Variants in NFASC observed in about 807,000 individuals in gnomAD.
The protein encoded by NFASC is neurofascin homolog.
NFASC carries 43 observed loss-of-function variants against 147.5 expected under a neutral mutation model. The observed-to-expected ratio is 0.29, with a 90% confidence interval of 0.23 to 0.38. NFASC has a LOEUF of 0.38. Ranked by LOEUF, NFASC falls within the 10% of genes least tolerant of loss-of-function variation. The probability of loss-of-function intolerance (pLI) is 1.00; values close to 1 mark genes in which losing one functional copy is unlikely to be tolerated. For synonymous variants in NFASC, 622 were observed against 665.5 expected (o/e 0.93, Z 1.01); for missense variants, 1,320 against 1,689.0 (o/e 0.78, Z 3.83).
rs760037106 is a variant in NFASC, at chr1:204,968,369, G to A, written c.818+9G>A. The A allele has an allele frequency of 8.7e-6, 14 of 1,605,512 alleles. No individual in the cohort carries two copies. The highest frequency in any genetic ancestry group is 8.3e-5 in the Admixed American group (5 of 59,984). On this transcript the variant is annotated intron_variant, in intron 9 of 29. Transcript: ENST00000339876. The surrounding 1 kb of genome is among the most constrained non-coding windows in gnomAD (Gnocchi z 5.4). ...TGCATCGCCTCCGGGGTGTATGTGC[G>A]GTTTGCAGCCCCTCTTCTAGCCACC...
chr1:204,836,622 A>G (rs1428891058), intron 1 of NFASC, among the ~76,000 whole-genome samples: 1 of 152,224 alleles, frequency 6.6e-6, no homozygotes, highest in African/African-American at 2.4e-5. Context: ...ATTTATATGC[A>G]AGACATTGTT....
intron 1 of NFASC, among the ~76,000 whole-genome samples, chr1:204,872,500 G>T (rs2077904712): frequency 6.6e-6 from 1 of 152,210 alleles, no homozygotes; most frequent in South Asian, 2.1e-4. Flanking sequence ...AGCTGGGGCT[G>T]GGGAGCGCAG....
intron 1 of NFASC, among the ~76,000 whole-genome samples, chr1:204,837,632 G>A (rs1253936264): frequency 6.6e-6 from 1 of 152,162 alleles, no homozygotes; most frequent in South Asian, 2.1e-4. Flanking sequence ...TGGGGCAGAC[G>A]GGAGTGCTGA....
chr1:204,855,443 A>G (rs554356597), intron 1 of NFASC, among the ~76,000 whole-genome samples: 2 of 152,338 alleles, frequency 1.3e-5, no homozygotes, highest in African/African-American at 4.8e-5. Flanking sequence ...TACATGGTGA[A>G]AAAACGAAAA....
intron 1 of NFASC, among the ~76,000 whole-genome samples, chr1:204,837,401 G>C (rs767569013): frequency 6.6e-6 from 1 of 152,224 alleles, no homozygotes; most frequent in African/African-American, 2.4e-5. Context: ...AATTGGCCAG[G>C]CTGCAGCAGT....
chr1:204,975,131 G>A lies in NFASC; in HGVS notation c.1559-140G>A, dbSNP rs981977785. 2.9e-5 allele frequency: 27 copies of A among 931,036 alleles called. No individual in the cohort carries two copies. Among genetic ancestry groups the A allele is most frequent in the Admixed American group, 1.7e-4 (6 of 36,216 alleles). The allele number at this position is 931,036 out of a possible 1,614,324, so 57.7% of individuals were successfully genotyped here. A position where few individuals can be genotyped will look rare whatever the true frequency, so the allele number is the denominator to read the frequency against. ...GATTACCCACCCAGAACTCTGCTCC[G>A]TTCATACCATAGCATACTGTTTGTG... On this transcript the variant is annotated intron_variant, in intron 14 of 29. Transcript: ENST00000339876. This position sits in a 1 kb window ranked among gnomAD's most constrained non-coding sequence, Gnocchi z 4.0.
chr1:204,864,033 C>G (rs764736668), intron 1 of NFASC, among the ~76,000 whole-genome samples: 2 of 152,126 alleles, frequency 1.3e-5, no homozygotes, highest in Non-Finnish European at 2.9e-5. Flanking sequence ...CTATTATCTA[C>G]TCCTCCCAGC....
At chr1:204,831,743 C>T (rs1251369769) in intron 1 of NFASC, among the ~76,000 whole-genome samples, 1 of 151,980 alleles carries the variant, frequency 6.6e-6, no homozygotes, top group Non-Finnish European at 1.5e-5. Flanking sequence ...GTGAGAGGAA[C>T]GTAAGGCCGG....
intron 1 of NFASC, among the ~76,000 whole-genome samples, chr1:204,834,417 G>C (rs1197314857): frequency 6.6e-6 from 1 of 152,112 alleles, no homozygotes; most frequent in Non-Finnish European, 1.5e-5. Context: ...TGGAGTGCCT[G>C]GGGCATGGTA....
rs2095516724 is a variant in NFASC at position 204,981,972 on chromosome 1, G to A, written c.2422G>A (p.Gly808Arg). The A allele has an allele frequency of 1.9e-6, 3 of 1,605,918 alleles. No individual in the cohort carries two copies. The highest frequency in any genetic ancestry group is 1.3e-5 in the African/African-American group (1 of 74,604). Residue 808 changes from glycine (G) to arginine (R), a missense_variant, in exon 21 of 30, where the codon GGG (glycine) becomes AGG (arginine). Around this residue, in one of 3 missense-constraint regions of NFASC, gnomAD observed 981 missense variants for 1,289.5 expected, o/e 0.76. Transcript: ENST00000339876. Reference protein sequence around the residue: ...EIRVQAENDFGKGPEPESVIG... With the variant: ...EIRVQAENDFRKGPEPESVIG... The stretch of plus-strand genomic sequence containing the variant: ...CCGAGTCCAGGCTGAAAATGACTTC[G>A]GGAAGGGCCCTGAGCCAGAGTCCGT...
At chr1:204,911,297 G>T (rs2087429383) in intron 1 of NFASC, among the ~76,000 whole-genome samples, 1 of 152,126 alleles carries the variant, frequency 6.6e-6, no homozygotes, top group Non-Finnish European at 1.5e-5. Flanking sequence ...AACCCCATTT[G>T]GTCATGGCGT....
rs1479906606 is a variant in NFASC at position 204,877,106 on chromosome 1, T to C, written c.-199-43526T>C. ...ATATATTTATTTATATATTTATATA[T>C]AAATAATATTAAATGTTAAAATATT... is the stretch of plus-strand genomic sequence containing the variant. On this transcript the variant is annotated intron_variant, in intron 1 of 29. Coordinates refer to ENST00000339876, the MANE Select transcript of NFASC (RefSeq NM_001005388.3). 2.9e-5 allele frequency among the ~76,000 whole-genome samples: 4 copies of C among 137,180 alleles called. 1 individual carries two copies. The highest frequency in any genetic ancestry group is 6.1e-5 in the Non-Finnish European group (4 of 65,850). The allele number at this position is 137,180 out of a possible 152,430, so 90.0% of individuals were successfully genotyped here. A position where few individuals can be genotyped will look rare whatever the true frequency, so the allele number is the denominator to read the frequency against.
chr1:204,925,781 G>C (rs2091387536), intron 2 of NFASC, among the ~76,000 whole-genome samples: 1 of 152,222 alleles, frequency 6.6e-6, no homozygotes, highest in African/African-American at 2.4e-5. Flanking sequence ...GACAGAATAA[G>C]CAGCTTGATT....
rs74231732 is a variant in NFASC at position 204,874,938 on chromosome 1, T to G, written c.-199-45694T>G. 2.6e-5 allele frequency among the ~76,000 whole-genome samples: 4 copies of G among 152,280 alleles called. No individual in the cohort carries two copies. In the East Asian group the frequency reaches 7.7e-4, roughly 29 times the overall value. ...CACTGCTCCATTCTTTGATATGTCT[T>G]TATTTAGTCCCTCAGTAACCTAATG... On this transcript the variant is annotated intron_variant, in intron 1 of 29. Transcript: ENST00000339876.
intron 1 of NFASC, among the ~76,000 whole-genome samples, chr1:204,864,546 G>C (rs529146426): frequency 6.6e-6 from 1 of 152,106 alleles, no homozygotes; most frequent in Non-Finnish European, 1.5e-5. Context: ...TCATTTTATT[G>C]ATTATAGCCA....
chr1:204,961,019 C>T (rs1234556584), intron 8 of NFASC, among the ~76,000 whole-genome samples: 1 of 152,144 alleles, frequency 6.6e-6, no homozygotes, highest in Non-Finnish European at 1.5e-5. Context: ...CCCTGTTGTC[C>T]CTCGAGCAGT....
chr1:205,006,964 TGGA>T (rs35897011), intron 27 of NFASC, among the ~76,000 whole-genome samples: 49,753 of 151,086 alleles, frequency 0.33, 10,436 homozygotes, highest in Non-Finnish European at 0.48. Context: ...GTTAAGGAGG[TGGA>T]GGTCAGCTTG....
chr1:204,996,601 C>T (rs140568609), intron 24 of NFASC, among the ~76,000 whole-genome samples: 7 of 152,328 alleles, frequency 4.6e-5, no homozygotes, highest in East Asian at 3.9e-4. Context: ...GGCTCACCCG[C>T]GCAGAGTGGA....
At chr1:204,930,838 C>T (rs1176055312) in intron 2 of NFASC, among the ~76,000 whole-genome samples, 4 of 152,148 alleles carry the variant, frequency 2.6e-5, no homozygotes, top group Non-Finnish European at 5.9e-5. Context: ...AAGCACGTGG[C>T]CTATACAGGC....
Sources: allele counts gnomAD v4.1 joint callset (sites outside exome capture counted in the v4.1 genomes callset), GRCh38; gene constraint gnomAD v4.1.1; regional missense constraint gnomAD v4.1.1; non-coding constraint Gnocchi (gnomAD v3.1); transcripts MANE v1.5; gene names NCBI Gene and HGNC (gene_info 2026-07-23, HGNC 2026-07-21).